Variants in UVSSA observed in about 807,000 individuals in gnomAD.
UVSSA encodes the protein UV stimulated scaffold protein A.
A neutral mutation model predicts 73.9 loss-of-function variants in UVSSA; 72 were observed. The ratio of observed to expected loss-of-function variants is 0.97; its 90% CI spans 0.81 to 1.19. The LOEUF (loss-of-function observed/expected upper bound fraction) is 1.19, where lower values mean the gene tolerates loss of function less well. Ranked by LOEUF, UVSSA falls within the 50% of genes most tolerant of loss-of-function variation. The pLI, the probability that UVSSA is intolerant of heterozygous loss-of-function variation, is 0.00. For synonymous variants in UVSSA, 454 were observed against 391.3 expected, an observed-to-expected ratio of 1.16 and a Z score of -1.89; for missense variants, 1,150 against 965.0, an observed-to-expected ratio of 1.19 and a Z score of -2.54.
At chr4:1,390,823 T>C (rs1399060269), downstream of UVSSA, 1 of 153,202 alleles carries the variant, frequency 6.5e-6, no homozygotes, top group African/African-American at 2.4e-5. Context: ...TAGTGTTGTA[T>C]AGATGCCTGT....
chr4:1,353,481 T>C, intron 5 of UVSSA, 68 bp downstream of exon 5: 1 of 1,427,780 alleles, frequency 7.0e-7, no homozygotes, highest in Non-Finnish European at 9.1e-7. Context: ...CCTCCCTCAC[T>C]GGCACCCGGC....
chr4:1,395,924 T>C, exon 14 of UVSSA: 1 of 1,562,542 alleles, frequency 6.4e-7, no homozygotes, highest in Non-Finnish European at 8.7e-7. Context: ...TTTGTTAGCC[T>C]GGTGCTTTTC....
At chr4:1,385,040 C>G (rs781075926) in intron 13 of UVSSA, 1 of 152,402 alleles carries the variant, frequency 6.6e-6, no homozygotes, top group Non-Finnish European at 1.5e-5. Flanking sequence ...TCCCGTGGAT[C>G]AGCCAGGGGC....
rs375140026 is a variant in UVSSA, at chr4:1,365,769, C to T, written c.1177-551C>T. ...CCCTGGCCCGTTGCCTAAGAGCAGACGCACCTGCTCCACCTGGTGGGAAGA... is the reference window on the plus strand; with the variant it reads ...CCCTGGCCCGTTGCCTAAGAGCAGATGCACCTGCTCCACCTGGTGGGAAGA... On this transcript the variant is annotated intron_variant, in intron 7 of 13. Transcript: ENST00000389851. Among the ~76,000 whole-genome samples the T allele has an allele frequency of 1.1e-4, 16 of 152,288 alleles. No homozygotes were observed. The East Asian group carries it at 1.9e-3, about 18-fold the overall frequency.
chr4:1,347,214 A>G lies in UVSSA; in HGVS notation c.-549A>G, dbSNP rs1481557129. The G allele has an allele frequency of 6.6e-6, 1 of 152,190 alleles. No individual in the cohort carries two copies. Among genetic ancestry groups the G allele is most frequent in the African/African-American group, 2.4e-5 (1 of 41,422 alleles). 9.4% of individuals were successfully genotyped at this position (152,190 alleles called of 1,614,324 possible). ...CCGCCGGAAGGGGCGGGGCGAGGCG[A>G]GCGGCCGCGTCAGCGGTAGGTGGGG... On this transcript the variant is annotated 5_prime_UTR_variant, in exon 1 of 14. Transcript: ENST00000389851.
In UVSSA at chr4:1,353,155, G is replaced by T. The variant is rs1560428105; in HGVS notation, c.676G>T (p.Ala226Ser). ...SLGMASGMSD[A>S]LRSSCAGQVG... ...TGGCATGGCTTCTGGCATGTCCGATGCCCTTCGCTCCTCCTGCGCGGGCCA... is the reference window on the plus strand; with the variant it reads ...TGGCATGGCTTCTGGCATGTCCGATTCCCTTCGCTCCTCCTGCGCGGGCCA... Residue 226 changes from alanine to serine, a missense_variant, in exon 5 of 14, where the codon GCC (alanine) becomes TCC (serine). Coordinates refer to ENST00000389851, the MANE Select transcript of UVSSA (RefSeq NM_020894.4). 6.2e-7 allele frequency: 1 copy of T among 1,613,022 alleles called. No homozygotes were observed.
intron 10 of UVSSA, among the ~76,000 whole-genome samples, chr4:1,378,462 A>T (rs1719042358): frequency 6.6e-6 from 1 of 152,124 alleles, no homozygotes; most frequent in Non-Finnish European, 1.5e-5. Flanking sequence ...GAGGCGGGAG[A>T]ATCGCTTGAA....
At chr4:1,355,312 G>A (rs1470697459) in intron 7 of UVSSA, 67 bp downstream of exon 7, 34 of 1,473,590 alleles carry the variant, frequency 2.3e-5, no homozygotes, top group Middle Eastern at 1.9e-4. Flanking sequence ...AAGCTGTGGG[G>A]GGGTTGTGCC....
Position 1,383,881 on chromosome 4 carries a change from C to G in UVSSA, c.1977C>G (p.Thr659=), listed in dbSNP as rs776424233. The G allele has an allele frequency of 6.2e-7, 1 of 1,613,546 alleles. No individual in the cohort carries two copies. Among genetic ancestry groups the G allele is most frequent in the Admixed American group, 1.7e-5 (1 of 60,020 alleles). ...AGAAGAGGAGGTACCCCAGCCTCACCAACCTGAAGGCTCAGGCTGATACCG... is the reference window on the plus strand; with the variant it reads ...AGAAGAGGAGGTACCCCAGCCTCACGAACCTGAAGGCTCAGGCTGATACCG... The part of the protein sequence containing the change: ...RGKKRRYPSL[T]NLKAQADTAR... The change falls in exon 13 of 14, where the codon ACC becomes ACG. Residue 659 remains threonine, a synonymous_variant. Coordinates refer to ENST00000389851, the MANE Select transcript of UVSSA (RefSeq NM_020894.4).
At chr4:1,361,951 A>G (rs990682776) in intron 7 of UVSSA, among the ~76,000 whole-genome samples, 2 of 152,048 alleles carry the variant, frequency 1.3e-5, no homozygotes, top group Non-Finnish European at 2.9e-5. Context: ...GTACCAAGTT[A>G]ATTAGATCGT....
intron 7 of UVSSA, among the ~76,000 whole-genome samples, chr4:1,355,870 G>A (rs925310051): frequency 5.9e-5 from 9 of 152,110 alleles, no homozygotes; most frequent in Non-Finnish European, 1.0e-4. Flanking sequence ...TGGGTGTGTC[G>A]GAGCCGTTCG....
At position 1,349,765 on chromosome 4, in the gene UVSSA, A is replaced by C. The variant is rs766089626; in HGVS notation, c.340A>C (p.Thr114Pro). Residue 114 changes from threonine (T) to proline (P), a missense_variant, in exon 3 of 14, where the codon ACC becomes CCC. By Grantham distance (38) the Thr-to-Pro change is conservative (BLOSUM62 -1). Coordinates refer to ENST00000389851, the MANE Select transcript of UVSSA (RefSeq NM_020894.4). ...GGCACAGAGGCTGAGGCAGGCGACCACCCGGGCCGTGGAAGGGTGGAATGA... is the reference window on the plus strand; with the variant it reads ...GGCACAGAGGCTGAGGCAGGCGACCCCCCGGGCCGTGGAAGGGTGGAATGA... ...EAAQRLRQAT[T>P]RAVEGWNEKF... is the part of the protein sequence containing the mutation. The C allele has an allele frequency of 6.2e-7, 1 of 1,607,692 alleles. No homozygotes were observed. The highest frequency in any genetic ancestry group is 8.5e-7 in the Non-Finnish European group (1 of 1,176,280).
chr4:1,383,298 G>A (rs1046710582), intron 12 of UVSSA, among the ~76,000 whole-genome samples: 6 of 152,206 alleles, frequency 3.9e-5, no homozygotes, highest in African/African-American at 1.4e-4. Context: ...CCTGCCACAC[G>A]TACCTCCCCA....
intron 10 of UVSSA, among the ~76,000 whole-genome samples, chr4:1,378,825 A>G (rs1719088653): frequency 2.6e-5 from 4 of 152,344 alleles, no homozygotes. Context: ...TGCGGGGCAC[A>G]TGGCCAGGTG....
intron 13 of UVSSA, chr4:1,385,439 G>A (rs1206951461): frequency 4.7e-6 from 1 of 212,556 alleles, no homozygotes; most frequent in South Asian, 7.7e-5. Context: ...CAGCCCTCCA[G>A]GTTTCCAGCC....
chr4:1,383,004 G>A (rs576190868), intron 12 of UVSSA, among the ~76,000 whole-genome samples: 5 of 152,204 alleles, frequency 3.3e-5, no homozygotes, highest in African/African-American at 4.8e-5. Flanking sequence ...GCCCACCTCC[G>A]CCTTGTGTGG....
Position 1,366,448 on chromosome 4 carries a change from G to T in UVSSA, c.1288+17G>T. ...CTGAGTATGGTGAGCAGTGGGTCCC[G>T]TGGGGGGGGCACCTGGGTGGAGGGT... On this transcript the variant is annotated intron_variant, in intron 8 of 13. Coordinates refer to ENST00000389851, the MANE Select transcript of UVSSA (RefSeq NM_020894.4). The T allele has an allele frequency of 6.3e-7, 1 of 1,583,630 alleles. No individual in the cohort carries two copies. Among genetic ancestry groups the T allele is most frequent in the South Asian group, 1.1e-5 (1 of 87,120 alleles).
intron 8 of UVSSA, among the ~76,000 whole-genome samples, chr4:1,370,073 C>T (rs1717841787): frequency 6.6e-6 from 1 of 152,204 alleles, no homozygotes; most frequent in South Asian, 2.1e-4. Flanking sequence ...GTTTAGTGCC[C>T]TAAGTATTTA....
chr4:1,351,877 G>C lies in UVSSA; in HGVS notation c.550+42G>C, dbSNP rs180864391. On this transcript the variant is annotated intron_variant, in intron 4 of 13. Transcript: ENST00000389851. ...GAGGGAGGGGCCCACGCCTCTGAGG[G>C]TTGCCCGTGGTCCAGCAGTTCATCC... 146 of 1,603,266 alleles carry C rather than the reference G, an allele frequency of 9.1e-5. No homozygotes were observed. The African/African-American group carries it at 1.3e-3, about 14-fold the overall frequency.
Sources: allele counts gnomAD v4.1 joint callset (sites outside exome capture counted in the v4.1 genomes callset), GRCh38; gene constraint gnomAD v4.1.1; transcripts MANE v1.5; gene names NCBI Gene and HGNC (gene_info 2026-07-23, HGNC 2026-07-21).